Variants in EVI5 observed in about 807,000 individuals in gnomAD.
EVI5 encodes the protein ecotropic viral integration site 5 protein homolog.
Under a neutral mutation model 112.0 loss-of-function variants are expected in EVI5, and 73 were observed. The observed-to-expected ratio is 0.65, with a 90% CI of 0.54 to 0.79. The LOEUF (loss-of-function observed/expected upper bound fraction) is 0.79. Ranked by LOEUF, EVI5 falls within the 30% of genes least tolerant of loss-of-function variation. The pLI is 0.00. For synonymous variants in EVI5, 305 were observed against 319.9 expected (o/e 0.95, Z 0.50); for missense variants, 900 against 968.8 (o/e 0.93, Z 0.94).
chr1:92,631,732 T>C lies in EVI5; in HGVS notation c.1527+4470A>G, dbSNP rs571955584. 6.9e-4 allele frequency among the ~76,000 whole-genome samples: 105 copies of C among 152,298 alleles called. 1 individual carries two copies. The South Asian group carries it at 0.021, about 31-fold the overall frequency. On this transcript the variant is annotated intron_variant, in intron 14 of 19. Coordinates refer to ENST00000684568, the MANE Select transcript of EVI5 (RefSeq NM_001350197.2). ...CCAACACTATGTTGAATAGCAGTGG[T>C]GAGAGAGGGCATCCCTGTCTTGTGC...
intron 5 of EVI5, among the ~76,000 whole-genome samples, chr1:92,701,850 T>G (rs1336671229): frequency 6.7e-6 from 1 of 150,280 alleles, no homozygotes; most frequent in African/African-American, 2.5e-5. Flanking sequence ...TACTCTTCAT[T>G]AAATGTTAAC....
intron 1 of EVI5, among the ~76,000 whole-genome samples, chr1:92,764,829 T>C (rs186230421): frequency 2.0e-5 from 3 of 152,260 alleles, no homozygotes; most frequent in African/African-American, 7.2e-5. Flanking sequence ...AATTACAATT[T>C]ATTTGTTACA....
At position 92,680,361 on chromosome 1, in the gene EVI5, T is replaced by C. The variant is rs1473629228; in HGVS notation, c.1098-3143A>G. Reference sequence around the variant, plus strand: ...TATCAAAAGAACAAAGCACCCAGGTTGCAAGGGTTCCCACTGGACAAATCA... The same window carrying C: ...TATCAAAAGAACAAAGCACCCAGGTCGCAAGGGTTCCCACTGGACAAATCA... On this transcript the variant is annotated intron_variant, in intron 9 of 19. Coordinates refer to ENST00000684568, the MANE Select transcript of EVI5 (RefSeq NM_001350197.2). Among the ~76,000 whole-genome samples, 3 of 152,170 alleles carry C rather than the reference T, an allele frequency of 2.0e-5. No homozygotes were observed. The East Asian group carries it at 5.8e-4, about 29-fold the overall frequency.
chr1:92,712,000 T>C (rs1316994950), intron 2 of EVI5, among the ~76,000 whole-genome samples: 1 of 152,048 alleles, frequency 6.6e-6, no homozygotes, highest in African/African-American at 2.4e-5. Context: ...GGCAAAGGAC[T>C]CCCTCAAGCC....
intron 1 of EVI5, among the ~76,000 whole-genome samples, chr1:92,743,776 G>A (rs1021780303): frequency 2.0e-5 from 3 of 151,904 alleles, no homozygotes; most frequent in Non-Finnish European, 4.4e-5. Context: ...CTAGAGGTCC[G>A]TCACTTTCAA....
intron 1 of EVI5, among the ~76,000 whole-genome samples, chr1:92,775,952 T>C (rs958168437): frequency 2.0e-5 from 3 of 151,764 alleles, no homozygotes; most frequent in Non-Finnish European, 2.9e-5. Context: ...ACTAAAAATA[T>C]CAAAAATTAG....
At position 92,697,935 on chromosome 1, in the gene EVI5, A is replaced by G. The variant is rs770323517; in HGVS notation, c.690T>C (p.Tyr230=). 7 of 1,612,598 alleles carry G rather than the reference A, an allele frequency of 4.3e-6. No individual in the cohort carries two copies. The South Asian group carries it at 6.6e-5, about 15-fold the overall frequency. The change falls in exon 6 of 20, where the codon TAT becomes TAC. Residue 230 remains tyrosine, a synonymous_variant. Coordinates refer to ENST00000684568, the MANE Select transcript of EVI5 (RefSeq NM_001350197.2). ...TTGGTTTAAAAAGTTCACGAAGTCT[A>G]TAATCTTGCATTAATTTAACAAATA... The part of the protein sequence containing the change: ...FCVFVKLMQD[Y]RLRELFKPSM...
intron 18 of EVI5, among the ~76,000 whole-genome samples, chr1:92,579,668 G>A (rs1671636456): frequency 6.6e-6 from 1 of 151,954 alleles, no homozygotes; most frequent in African/African-American, 2.4e-5. Context: ...TTCACCTTTT[G>A]TATAGAAAGA....
intron 11 of EVI5, among the ~76,000 whole-genome samples, chr1:92,663,966 T>C (rs1664453427): frequency 6.6e-6 from 1 of 152,254 alleles, no homozygotes; most frequent in Non-Finnish European, 1.5e-5. Context: ...CAGGCCAATC[T>C]TGAACTCCTG....
intron 1 of EVI5, among the ~76,000 whole-genome samples, chr1:92,790,236 G>A (rs1685986557): frequency 1.3e-5 from 2 of 152,188 alleles, no homozygotes; most frequent in African/African-American, 4.8e-5. Context: ...TTGAGCCCAA[G>A]AGGTGGAGGT....
At chr1:92,643,085 A>G (rs914548739) in intron 13 of EVI5, among the ~76,000 whole-genome samples, 3 of 152,134 alleles carry the variant, frequency 2.0e-5, no homozygotes, top group African/African-American at 7.2e-5. Context: ...CATTTGTTAT[A>G]CCCCACATTA....
rs1659034051 is a variant in EVI5, at chr1:92,509,087, T to C, written c.*4569A>G. The stretch of plus-strand genomic sequence containing the variant: ...AAATGTTCGCTGTCAATGTCTGGTA[T>C]GTTAATATACATTAATCAAGCTGGT... On this transcript the variant is annotated 3_prime_UTR_variant, in exon 20 of 20. Transcript: ENST00000684568. 6.6e-6 allele frequency: 1 copy of C among 152,298 alleles called. No individual in the cohort carries two copies. The highest frequency in any genetic ancestry group is 6.5e-5 in the Admixed American group (1 of 15,280). The allele number at this position is 152,298 out of a possible 1,614,324, so 9.4% of individuals were successfully genotyped here.
intron 13 of EVI5, among the ~76,000 whole-genome samples, chr1:92,637,730 G>A (rs991834161): frequency 6.6e-6 from 1 of 152,020 alleles, no homozygotes; most frequent in Non-Finnish European, 1.5e-5. Flanking sequence ...ATAAAGCACA[G>A]TTATTTTTAC....
At chr1:92,656,116 A>C (rs1033922409) in intron 13 of EVI5, among the ~76,000 whole-genome samples, 4 of 152,146 alleles carry the variant, frequency 2.6e-5, no homozygotes, top group Admixed American at 6.5e-5. Context: ...TCAGCACATG[A>C]AATGTTCTCT....
At chr1:92,642,531 A>T (rs1017093364) in intron 13 of EVI5, among the ~76,000 whole-genome samples, 1 of 152,238 alleles carries the variant, frequency 6.6e-6, no homozygotes, top group African/African-American at 2.4e-5. Flanking sequence ...AAAGAAAAAC[A>T]AACCCACCAG....
chr1:92,566,920 C>T (rs544188243), intron 18 of EVI5, among the ~76,000 whole-genome samples: 1 of 151,104 alleles, frequency 6.6e-6, no homozygotes, highest in African/African-American at 2.4e-5. Context: ...GATTCTCGTG[C>T]CTCAGCCTTC....
At chr1:92,620,332 G>A (rs1654249850) in intron 16 of EVI5, among the ~76,000 whole-genome samples, 1 of 141,032 alleles carries the variant, frequency 7.1e-6, no homozygotes, top group Non-Finnish European at 1.5e-5. Context: ...GGCAACAAGA[G>A]TGAAACTCCA....
chr1:92,589,257 A>G (rs991077105), intron 18 of EVI5, among the ~76,000 whole-genome samples: 1 of 152,188 alleles, frequency 6.6e-6, no homozygotes, highest in African/African-American at 2.4e-5. Flanking sequence ...GGGGATTGTC[A>G]GACAAGGGGT....
chr1:92,758,392 A>T (rs765518633), intron 1 of EVI5, among the ~76,000 whole-genome samples: 8 of 152,024 alleles, frequency 5.3e-5, no homozygotes, highest in Non-Finnish European at 1.0e-4. Context: ...AACATGGCAA[A>T]ACCCCGTCTC....
Sources: allele counts gnomAD v4.1 joint callset (sites outside exome capture counted in the v4.1 genomes callset), GRCh38; gene constraint gnomAD v4.1.1; transcripts MANE v1.5; gene names NCBI Gene and HGNC (gene_info 2026-07-23, HGNC 2026-07-21).